The following CNOT6L variants were observed in gnomAD, a reference collection of about 807,000 sequenced individuals.
The protein encoded by CNOT6L is CCR4-NOT transcription complex subunit 6 like.
CNOT6L carries 7 observed loss-of-function variants against 64.0 expected under a neutral mutation model. That is an observed-to-expected ratio of 0.11 (90% confidence interval 0.06 to 0.21). CNOT6L has a LOEUF of 0.21. Ranked by LOEUF, CNOT6L falls within the 10% of genes least tolerant of loss-of-function variation. The pLI is 1.00. For synonymous variants in CNOT6L, 193 were observed against 243.4 expected (o/e 0.79, Z 1.93); for missense variants, 245 against 669.0 (o/e 0.37, Z 6.99).
chr4:77,815,337 A>C (rs1733443744), intron 1 of CNOT6L, among the ~76,000 whole-genome samples: 1 of 152,218 alleles, frequency 6.6e-6, no homozygotes, highest in Admixed American at 6.5e-5. Flanking sequence ...ACAGAATCCA[A>C]CTGTAATGTT....
chr4:77,782,183 C>A (rs1728934488), intron 1 of CNOT6L, among the ~76,000 whole-genome samples: 1 of 152,126 alleles, frequency 6.6e-6, no homozygotes, highest in African/African-American at 2.4e-5. Flanking sequence ...ACTACATACT[C>A]ATCTTAATAA....
At chr4:77,805,424 T>C (rs1166599988) in intron 1 of CNOT6L, among the ~76,000 whole-genome samples, 1 of 152,130 alleles carries the variant, frequency 6.6e-6, no homozygotes, top group Non-Finnish European at 1.5e-5. Flanking sequence ...TGTGAATTTA[T>C]ATAGAAAAAA....
At chr4:77,768,470 AATAAATATATATATATATATATATATAT>A (rs1192149152) in intron 4 of CNOT6L, among the ~76,000 whole-genome samples, 4 of 134,402 alleles carry the variant, frequency 3.0e-5, no homozygotes, top group Non-Finnish European at 4.7e-5. Flanking sequence ...GTCTAAAATA[AATAAATATATATATATATATATATATAT>A]ATATATATAT....
chr4:77,768,340 C>CTG (rs2110041075), intron 4 of CNOT6L, among the ~76,000 whole-genome samples: 1 of 151,774 alleles, frequency 6.6e-6, no homozygotes, highest in South Asian at 2.1e-4. Context: ...TGATGCACGC[C>CTG]TGTAAATCCC....
chr4:77,809,646 A>C (rs1560439951), intron 1 of CNOT6L, among the ~76,000 whole-genome samples: 1 of 152,164 alleles, frequency 6.6e-6, no homozygotes, highest in Non-Finnish European at 1.5e-5. Context: ...TGGATATATG[A>C]GATTCCAACA....
At chr4:77,723,146 G>A (rs887070734) in intron 11 of CNOT6L, among the ~76,000 whole-genome samples, 3 of 152,050 alleles carry the variant, frequency 2.0e-5, no homozygotes, top group South Asian at 2.1e-4. Flanking sequence ...GAGGATAAAC[G>A]TGGGGTGAGG....
intron 1 of CNOT6L, among the ~76,000 whole-genome samples, chr4:77,795,326 T>C (rs1730712703): frequency 6.6e-6 from 1 of 152,114 alleles, no homozygotes; most frequent in South Asian, 2.1e-4. Flanking sequence ...GCCAGTAAAA[T>C]TTTTTAAAGT....
chr4:77,731,746 C>T (rs1722460832), intron 8 of CNOT6L: 7 of 439,608 alleles, frequency 1.6e-5, no homozygotes, highest in Non-Finnish European at 2.8e-5. Flanking sequence ...CATATATATC[C>T]CTTCATGCTT....
At chr4:77,802,528 A>G (rs1464080442) in intron 1 of CNOT6L, among the ~76,000 whole-genome samples, 1 of 152,220 alleles carries the variant, frequency 6.6e-6, no homozygotes, top group Non-Finnish European at 1.5e-5. Flanking sequence ...CTGACTTTGA[A>G]AACTAAGGGC....
chr4:77,769,360 T>C (rs751199005), intron 4 of CNOT6L, among the ~76,000 whole-genome samples: 4 of 152,126 alleles, frequency 2.6e-5, no homozygotes, highest in Non-Finnish European at 4.4e-5. Context: ...TATTTCCCCA[T>C]AATCTCACCA....
intron 1 of CNOT6L, among the ~76,000 whole-genome samples, chr4:77,788,863 C>A (rs551258729): frequency 6.6e-6 from 1 of 151,660 alleles, no homozygotes; most frequent in South Asian, 2.1e-4. Flanking sequence ...ATGCCACTTT[C>A]AGGAATTTAA....
intron 1 of CNOT6L, among the ~76,000 whole-genome samples, chr4:77,817,873 A>G (rs1325726792): frequency 6.6e-6 from 1 of 152,234 alleles, no homozygotes; most frequent in East Asian, 1.9e-4. Flanking sequence ...GCACGGTTCT[A>G]GCTAAATGAT....
intron 1 of CNOT6L, among the ~76,000 whole-genome samples, chr4:77,781,629 C>T (rs1211728221): frequency 2.0e-5 from 3 of 152,046 alleles, no homozygotes; most frequent in African/African-American, 4.8e-5. Context: ...GCATAACTCC[C>T]CCTGAAAAAA....
chr4:77,726,262 C>T lies in CNOT6L; in HGVS notation c.1360G>A (p.Gly454Arg), dbSNP rs1374003399. The change falls in exon 11 of 12, where the codon GGA (glycine) becomes AGA (arginine). Residue 454 changes from glycine (G) to arginine (R), a missense_variant. Around this residue, in one of 10 missense-constraint regions of CNOT6L, gnomAD observed 20 missense variants for 38.3 expected, o/e 0.52. Coordinates refer to ENST00000504123, the MANE Select transcript of CNOT6L (RefSeq NM_144571.3). ...LMNFSCNGKNGSSEGRITHGF... is the reference protein window; with the variant it reads ...LMNFSCNGKNRSSEGRITHGF... Reference sequence around the variant, plus strand: ...TGTGTGATTCTCCCTTCTGAGCTTCCATTCTTTCCATTGCAGCTGAAGTTC... The same window carrying T: ...TGTGTGATTCTCCCTTCTGAGCTTCTATTCTTTCCATTGCAGCTGAAGTTC... The T allele has an allele frequency of 6.2e-7, 1 of 1,613,888 alleles. No homozygotes were observed.
In CNOT6L at chr4:77,795,283, T is replaced by A. The variant is rs1052547315; in HGVS notation, c.6-18891A>T. On this transcript the variant is annotated intron_variant, in intron 1 of 11. Coordinates refer to ENST00000504123, the MANE Select transcript of CNOT6L (RefSeq NM_144571.3). ...ATCCACCCACCTCGGCCTCCCAAAGTGCTGAGATTACAGGTGTGAGCCACT... is the reference window on the plus strand; with the variant it reads ...ATCCACCCACCTCGGCCTCCCAAAGAGCTGAGATTACAGGTGTGAGCCACT... Among the ~76,000 whole-genome samples the A allele has an allele frequency of 1.5e-3, 229 of 152,222 alleles. 5 individuals carry two copies. The highest frequency in any genetic ancestry group is 2.4e-4 in the Non-Finnish European group (16 of 68,008).
intron 5 of CNOT6L, among the ~76,000 whole-genome samples, chr4:77,755,576 A>G (rs1725471338): frequency 6.6e-6 from 1 of 152,182 alleles, no homozygotes; most frequent in African/African-American, 2.4e-5. Context: ...CAGCTTCATT[A>G]AATTGCCACA....
At chr4:77,783,170 A>AAAC (rs1553895258) in intron 1 of CNOT6L, among the ~76,000 whole-genome samples, 2 of 150,094 alleles carry the variant, frequency 1.3e-5, no homozygotes, top group Non-Finnish European at 3.0e-5. Context: ...AAAAAAAAAA[A>AAAC]CACATGTTTT....
At chr4:77,735,114 A>G (rs1325829935) in intron 8 of CNOT6L, among the ~76,000 whole-genome samples, 2 of 152,166 alleles carry the variant, frequency 1.3e-5, no homozygotes, top group East Asian at 1.9e-4. Context: ...AATCGAAAGC[A>G]AAAGTTAAAA....
rs1335603318 is a variant in CNOT6L, at chr4:77,741,442, A to G, written c.872+699T>C. On this transcript the variant is annotated intron_variant, in intron 8 of 11. Coordinates refer to ENST00000504123, the MANE Select transcript of CNOT6L (RefSeq NM_144571.3). The stretch of plus-strand genomic sequence containing the variant: ...ACGTATGAAATCCAAACTATTAACC[A>G]TGGGATTCAACCTCTATCAGATGTC... Among the ~76,000 whole-genome samples the G allele has an allele frequency of 2.6e-5, 4 of 152,204 alleles. No homozygotes were observed. In the East Asian group the frequency reaches 5.8e-4, roughly 22 times the overall value.
Sources: gnomAD v4.1 joint callset for allele counts (sites outside exome capture counted in the v4.1 genomes callset) on GRCh38, gnomAD v4.1.1 for gene constraint, gnomAD v4.1.1 regional missense constraint, MANE v1.5 for transcripts, NCBI Gene and HGNC (gene_info 2026-07-23, HGNC 2026-07-21) for gene names.